The following SIRPA variants were observed in gnomAD, a reference collection of about 807,000 sequenced individuals.
The protein encoded by SIRPA is signal regulatory protein alpha.
In SIRPA, 9 loss-of-function variants were observed where a neutral mutation model predicts 50.3. The ratio of observed to expected loss-of-function variants is 0.18; its 90% CI spans 0.11 to 0.31. The LOEUF (loss-of-function observed/expected upper bound fraction) is 0.31, where lower values mean the gene tolerates loss of function less well. SIRPA is among the 10% of genes least tolerant of loss of function. The pLI is 1.00. For synonymous variants in SIRPA, 265 were observed against 284.1 expected, an observed-to-expected ratio of 0.93 and a Z score of 0.68; for missense variants, 474 against 661.6, an observed-to-expected ratio of 0.72 and a Z score of 3.11.
chr20:1,929,316 C>T (rs763582522), intron 6 of SIRPA, among the ~76,000 whole-genome samples: 117 of 151,958 alleles, frequency 7.7e-4, no homozygotes, highest in Non-Finnish European at 1.4e-3. Flanking sequence ...TGACCTGGAC[C>T]AAAGTGGTGG....
At chr20:1,904,458 G>A (rs187736217) in intron 1 of SIRPA, among the ~76,000 whole-genome samples, 36 of 152,262 alleles carry the variant, frequency 2.4e-4, no homozygotes, top group African/African-American at 8.4e-4. Flanking sequence ...GGTTACAACA[G>A]AGGGAGGTGG....
intron 2 of SIRPA, among the ~76,000 whole-genome samples, chr20:1,918,130 A>G (rs1443947988): frequency 6.6e-6 from 1 of 152,120 alleles, no homozygotes; most frequent in Non-Finnish European, 1.5e-5. Flanking sequence ...AAAGGATTTG[A>G]GTTCCTGTGT....
rs1024315516 is a variant in SIRPA at position 1,921,436 on chromosome 20, G to T, written c.478G>T (p.Ala160Ser). The T allele has an allele frequency of 2.5e-6, 4 of 1,613,708 alleles. No homozygotes were observed. In the African/African-American group the frequency reaches 4.0e-5, roughly 16 times the overall value. ...APVVSGPAAR[A>S]TPQHTVSFTC... Reference sequence around the variant, plus strand: ...CGTGGTATCGGGCCCTGCGGCGAGGGCCACACCTCAGCACACAGTGAGCTT... The same window carrying T: ...CGTGGTATCGGGCCCTGCGGCGAGGTCCACACCTCAGCACACAGTGAGCTT... Residue 160 changes from alanine to serine, a missense_variant, in exon 3 of 8, where the codon GCC becomes TCC. Ala to Ser is a moderately conservative substitution (Grantham distance 99, BLOSUM62 1). Around this residue, in one of 4 missense-constraint regions of SIRPA, gnomAD observed 221 missense variants for 359.9 expected, o/e 0.61. Coordinates refer to ENST00000358771, the MANE Select transcript of SIRPA (RefSeq NM_001040023.2).
At chr20:1,910,903 T>C (rs1212185172) in intron 1 of SIRPA, among the ~76,000 whole-genome samples, 1 of 152,236 alleles carries the variant, frequency 6.6e-6, no homozygotes, top group Non-Finnish European at 1.5e-5. Context: ...ACAGAGGGTA[T>C]AGATTTTTCT....
Position 1,928,587 on chromosome 20 carries a change from A to G in SIRPA, c.1226+688A>G, listed in dbSNP as rs1365196407. ...CAGAAATAAAGTGATTCATGGTGTC[A>G]TATCAGGTGGTGACAACTCCTACCC... On this transcript the variant is annotated intron_variant, in intron 6 of 7. Coordinates refer to ENST00000358771, the MANE Select transcript of SIRPA (RefSeq NM_001040023.2). This position sits in a 1 kb window ranked among gnomAD's most constrained non-coding sequence, Gnocchi z 4.9. 2.0e-5 allele frequency among the ~76,000 whole-genome samples: 3 copies of G among 152,180 alleles called. No individual in the cohort carries two copies. The highest frequency in any genetic ancestry group is 1.9e-4 in the East Asian group (1 of 5,200).
At chr20:1,918,594 C>T (rs922251486) in intron 2 of SIRPA, among the ~76,000 whole-genome samples, 3 of 152,042 alleles carry the variant, frequency 2.0e-5, no homozygotes, top group Admixed American at 6.5e-5. Context: ...CGTAGAACGT[C>T]GATAATTGTA....
At chr20:1,921,867 C>A (rs1250602711) in intron 3 of SIRPA, among the ~76,000 whole-genome samples, 155 bp downstream of exon 3, 3 of 151,808 alleles carry the variant, frequency 2.0e-5, no homozygotes, top group African/African-American at 7.3e-5. Flanking sequence ...GATGTGCCAG[C>A]CACTTACTAA....
chr20:1,917,102 C>G (rs183520200), intron 2 of SIRPA, among the ~76,000 whole-genome samples: 3 of 152,268 alleles, frequency 2.0e-5, no homozygotes, highest in African/African-American at 4.8e-5. Flanking sequence ...TCCTCTTTGC[C>G]ATGCTGTCAG....
chr20:1,933,657 C>G lies in SIRPA; in HGVS notation c.1227-1058C>G, dbSNP rs780641841. ...TGTGGCCACGTGGGGCTTGTCATGT[C>G]TCAGAACTGCTTTCAGAGCCAAGCA... On this transcript the variant is annotated intron_variant, in intron 6 of 7. Transcript: ENST00000358771. The surrounding 1 kb of genome is among the most constrained non-coding windows in gnomAD (Gnocchi z 4.4). 1.3e-5 allele frequency among the ~76,000 whole-genome samples: 2 copies of G among 152,182 alleles called. No individual in the cohort carries two copies. The highest frequency in any genetic ancestry group is 2.9e-5 in the Non-Finnish European group (2 of 68,036).
intron 2 of SIRPA, among the ~76,000 whole-genome samples, chr20:1,921,189 T>A (rs545168336): frequency 1.3e-5 from 2 of 152,350 alleles, no homozygotes; most frequent in South Asian, 4.1e-4. Context: ...GCCCCTACAC[T>A]GTCTGACCTC....
At chr20:1,915,594 A>G in intron 2 of SIRPA, 139 bp downstream of exon 2, 1 of 1,079,664 alleles carries the variant, frequency 9.3e-7, no homozygotes, top group Non-Finnish European at 1.4e-6. Flanking sequence ...TTTACAAATA[A>G]GGGAAGTTGA....
intron 1 of SIRPA, among the ~76,000 whole-genome samples, chr20:1,902,119 C>T (rs924164582): frequency 1.3e-5 from 2 of 152,214 alleles, no homozygotes; most frequent in African/African-American, 4.8e-5. Flanking sequence ...TAATGAGCCT[C>T]AGCTTTGACA....
intron 6 of SIRPA, among the ~76,000 whole-genome samples, chr20:1,930,736 A>G (rs948613001): frequency 2.6e-5 from 4 of 152,076 alleles, no homozygotes; most frequent in Non-Finnish European, 5.9e-5. Flanking sequence ...GATTACAGGC[A>G]TGCGCCACCA....
rs79716283 is a variant in SIRPA at position 1,928,168 on chromosome 20, G to C, written c.1226+269G>C. ...CTTGTCTAATCCCATGTGGACTGGG[G>C]CAGAGACCTCCCGGGCTTTCTGTCC... is the stretch of plus-strand genomic sequence containing the variant. On this transcript the variant is annotated intron_variant, in intron 6 of 7. Coordinates refer to ENST00000358771, the MANE Select transcript of SIRPA (RefSeq NM_001040023.2). This position sits in a 1 kb window ranked among gnomAD's most constrained non-coding sequence, Gnocchi z 4.9. Among the ~76,000 whole-genome samples the C allele has an allele frequency of 6.6e-6, 1 of 152,206 alleles. No homozygotes were observed. Among genetic ancestry groups the C allele is most frequent in the Non-Finnish European group, 1.5e-5 (1 of 68,042 alleles).
chr20:1,908,787 G>A (rs1408999346), intron 1 of SIRPA, among the ~76,000 whole-genome samples: 1 of 152,096 alleles, frequency 6.6e-6, no homozygotes. Context: ...GTGTTCTATT[G>A]CACAGCCCTG....
intron 1 of SIRPA, among the ~76,000 whole-genome samples, chr20:1,910,111 T>C (rs1040941420): frequency 4.6e-5 from 7 of 152,180 alleles, no homozygotes; most frequent in Admixed American, 1.3e-4. Context: ...ATGTAATCAT[T>C]TGAGTGATTT....
At chr20:1,905,730 C>G (rs375585229) in intron 1 of SIRPA, among the ~76,000 whole-genome samples, 1 of 152,236 alleles carries the variant, frequency 6.6e-6, no homozygotes, top group Non-Finnish European at 1.5e-5. Context: ...GCCGGTCCCC[C>G]GAAGCCTGTT....
chr20:1,917,002 C>T (rs1985344789), intron 2 of SIRPA, among the ~76,000 whole-genome samples: 1 of 152,160 alleles, frequency 6.6e-6, no homozygotes, highest in South Asian at 2.1e-4. Context: ...CGTTGAAGTT[C>T]CCAGATGATG....
At chr20:1,897,627 A>G (rs949866995) in intron 1 of SIRPA, among the ~76,000 whole-genome samples, 1 of 152,202 alleles carries the variant, frequency 6.6e-6, no homozygotes. Context: ...AGAAACTAAA[A>G]TGTCAGGTTT....
Sources: allele counts gnomAD v4.1 joint callset (sites outside exome capture counted in the v4.1 genomes callset), GRCh38; gene constraint gnomAD v4.1.1; regional missense constraint gnomAD v4.1.1; non-coding constraint Gnocchi (gnomAD v3.1); transcripts MANE v1.5; gene names NCBI Gene and HGNC (gene_info 2026-07-23, HGNC 2026-07-21).